ADAMTSL3: variants seen among roughly 807,000 people sequenced by gnomAD.
The protein encoded by ADAMTSL3 is ADAMTS like 3, also known as ADAMTS-like protein 3.
Under a neutral mutation model 201.7 loss-of-function variants are expected in ADAMTSL3, and 128 were observed. That is an observed-to-expected ratio of 0.63 (90% CI 0.55 to 0.73). The LOEUF is 0.73. Among genes scored for constraint, ADAMTSL3 ranks in the 30% least tolerant of loss-of-function variants. The probability of loss-of-function intolerance (pLI) is 0.00; values close to 1 mark genes in which losing one functional copy is unlikely to be tolerated. For synonymous variants in ADAMTSL3, 738 were observed against 748.4 expected (o/e 0.99, Z 0.23); for missense variants, 1,990 against 2,119.6 (o/e 0.94, Z 1.20).
intron 16 of ADAMTSL3, among the ~76,000 whole-genome samples, chr15:83,919,877 A>G (rs938717249): frequency 1.4e-4 from 21 of 152,134 alleles, no homozygotes; most frequent in Non-Finnish European, 2.4e-4. Context: ...AAGCAGGGAA[A>G]AGGCTAGTGA....
At chr15:84,033,899 T>C (rs1375212285) in intron 28 of ADAMTSL3, among the ~76,000 whole-genome samples, 1 of 152,156 alleles carries the variant, frequency 6.6e-6, no homozygotes, top group Admixed American at 6.5e-5. Flanking sequence ...TCTGATTAAA[T>C]TGGGTTTTAG....
chr15:84,019,892 CA>C lies in ADAMTSL3; in HGVS notation c.4274-1499del, dbSNP rs1219615275. 9.7e-3 allele frequency among the ~76,000 whole-genome samples: 633 copies of C among 65,190 alleles called. 3 individuals are homozygous for C. The highest frequency in any genetic ancestry group is 0.033 in the African/African-American group (506 of 15,132). 42.8% of individuals were successfully genotyped at this position (65,190 alleles called of 152,430 possible). A position where few individuals can be genotyped will look rare whatever the true frequency, so the allele number is the denominator to read the frequency against. ...TGGGTGACAGAGTGAGACTCTGTCT[CA>C]AAAAAAAAAAAAAAAAAAGAAACCA... On this transcript the variant is annotated intron_variant, in intron 25 of 29. Coordinates refer to ENST00000286744, the MANE Select transcript of ADAMTSL3 (RefSeq NM_207517.3).
At chr15:83,872,846 G>A (rs62025827) in intron 9 of ADAMTSL3, among the ~76,000 whole-genome samples, 36,425 of 144,062 alleles carry the variant, frequency 0.25, 8,330 homozygotes, top group Non-Finnish European at 0.32. Context: ...ACACACATAA[G>A]CTGCATATTT....
At chr15:83,989,454 T>C (rs1278424708) in intron 22 of ADAMTSL3, among the ~76,000 whole-genome samples, 2 of 152,218 alleles carry the variant, frequency 1.3e-5, no homozygotes, top group African/African-American at 4.8e-5. Context: ...ACTGGCAGTG[T>C]TGATATTAAT....
Position 83,797,761 on chromosome 15 carries a change from A to G in ADAMTSL3, c.318-6889A>G, listed in dbSNP as rs369681552. ...ACTGGTATGTCCATGTTAGAGAGCA[A>G]TTTGTCAATATCTGGTAATAGTGAT... On this transcript the variant is annotated intron_variant, in intron 4 of 29. Coordinates refer to ENST00000286744, the MANE Select transcript of ADAMTSL3 (RefSeq NM_207517.3). Among the ~76,000 whole-genome samples, 48 of 152,308 alleles carry G rather than the reference A, an allele frequency of 3.2e-4. 1 individual carries two copies. The South Asian group carries it at 7.2e-3, about 23-fold the overall frequency.
chr15:83,983,206 C>T lies in ADAMTSL3; in HGVS notation c.3578C>T (p.Thr1193Ile). The T allele has an allele frequency of 3.1e-6, 5 of 1,613,946 alleles. No individual in the cohort carries two copies. The highest frequency in any genetic ancestry group is 4.2e-6 in the Non-Finnish European group (5 of 1,179,940). ...CCTCCCTCAATTTCATTTAATAAAA[C>T]AATAAATTCCAGGATTGGAAATACA... is the stretch of plus-strand genomic sequence containing the variant. The part of the protein sequence containing the change: ...SQPPSISFNK[T>I]INSRIGNTVY... The change falls in exon 21 of 30, where the codon ACA becomes ATA. Residue 1193 changes from threonine to isoleucine, a missense_variant. Transcript: ENST00000286744.
chr15:83,687,459 C>T (rs1226944038), intron 2 of ADAMTSL3, among the ~76,000 whole-genome samples: 1 of 152,138 alleles, frequency 6.6e-6, no homozygotes, highest in East Asian at 1.9e-4. Context: ...CTACTGGCTA[C>T]TCTACTGAAC....
At chr15:84,036,747 C>A in intron 28 of ADAMTSL3, 26 bp from the exon 29 acceptor site, 1 of 1,572,942 alleles carries the variant, frequency 6.4e-7, no homozygotes. Context: ...TTTTGTTTTT[C>A]CGTTTTGTTT....
intron 28 of ADAMTSL3, among the ~76,000 whole-genome samples, chr15:84,034,391 T>C (rs1342680087): frequency 6.6e-6 from 1 of 152,130 alleles, no homozygotes; most frequent in African/African-American, 2.4e-5. Context: ...GGATCAGTGG[T>C]GGGCAGGCTG....
At chr15:83,767,548 A>C (rs2062913405) in intron 3 of ADAMTSL3, among the ~76,000 whole-genome samples, 1 of 152,222 alleles carries the variant, frequency 6.6e-6, no homozygotes. Context: ...ATCAGGCCAA[A>C]GAGCCAGCTG....
chr15:83,924,857 A>G (rs750877540), intron 17 of ADAMTSL3, among the ~76,000 whole-genome samples: 5 of 152,070 alleles, frequency 3.3e-5, no homozygotes, highest in Non-Finnish European at 7.4e-5. Flanking sequence ...TGTTAAGCCC[A>G]TTCCCAGTAA....
At chr15:83,866,418 AC>A (rs1216534866) in intron 8 of ADAMTSL3, among the ~76,000 whole-genome samples, 5 of 152,238 alleles carry the variant, frequency 3.3e-5, no homozygotes, top group Non-Finnish European at 7.3e-5. Flanking sequence ...ACCATGGAAT[AC>A]TATGCAGCCA....
intron 3 of ADAMTSL3, among the ~76,000 whole-genome samples, chr15:83,765,084 A>G (rs1034491293): frequency 1.1e-4 from 16 of 152,320 alleles, no homozygotes; most frequent in African/African-American, 3.6e-4. Flanking sequence ...GGACTGAAGA[A>G]GAGAGAAGTA....
Position 83,899,713 on chromosome 15 carries a change from T to C in ADAMTSL3, c.1682T>C (p.Ile561Thr). ...KQAQELEETR[I>T]ATEEPTFIPE... Reference sequence around the variant, plus strand: ...GCACAAGAACTAGAAGAGACCAGAATAGCAACAGAAGAACCAACGTGAGTC... The same window carrying C: ...GCACAAGAACTAGAAGAGACCAGAACAGCAACAGAAGAACCAACGTGAGTC... Residue 561 changes from isoleucine to threonine, a missense_variant, in exon 15 of 30, where the codon ATA becomes ACA. By Grantham distance (89) the Ile-to-Thr change is moderately conservative. Coordinates refer to ENST00000286744, the MANE Select transcript of ADAMTSL3 (RefSeq NM_207517.3). 1.2e-6 allele frequency: 2 copies of C among 1,611,666 alleles called. No individual in the cohort carries two copies. Among genetic ancestry groups the C allele is most frequent in the Non-Finnish European group, 1.7e-6 (2 of 1,178,462 alleles).
chr15:83,957,917 G>A (rs1336837130), intron 19 of ADAMTSL3, among the ~76,000 whole-genome samples: 1 of 152,106 alleles, frequency 6.6e-6, no homozygotes, highest in Admixed American at 6.5e-5. Flanking sequence ...TTATTTGAAG[G>A]CTTCTAGTGA....
intron 23 of ADAMTSL3, among the ~76,000 whole-genome samples, chr15:84,007,841 A>G (rs1470743899): frequency 6.6e-6 from 1 of 152,152 alleles, no homozygotes; most frequent in Non-Finnish European, 1.5e-5. Context: ...TAGGGAGATG[A>G]GATAAGTATT....
At chr15:83,768,829 G>C (rs921597995) in intron 3 of ADAMTSL3, among the ~76,000 whole-genome samples, 3 of 152,154 alleles carry the variant, frequency 2.0e-5, no homozygotes, top group Non-Finnish European at 4.4e-5. Flanking sequence ...AGAACTGGGT[G>C]GAAATCTGGG....
intron 3 of ADAMTSL3, among the ~76,000 whole-genome samples, chr15:83,716,757 G>C (rs1229626066): frequency 6.6e-6 from 1 of 151,920 alleles, no homozygotes; most frequent in Non-Finnish European, 1.5e-5. Flanking sequence ...CTTTGTTTTG[G>C]ACCCTGGCTG....
At chr15:83,978,547 G>A (rs1398709863) in intron 20 of ADAMTSL3, among the ~76,000 whole-genome samples, 1 of 152,158 alleles carries the variant, frequency 6.6e-6, no homozygotes, top group African/African-American at 2.4e-5. Flanking sequence ...AGATGAGAGA[G>A]GAAGGTCACC....
Sources: gnomAD v4.1 joint callset for allele counts (sites outside exome capture counted in the v4.1 genomes callset) on GRCh38, gnomAD v4.1.1 for gene constraint, MANE v1.5 for transcripts, NCBI Gene and HGNC (gene_info 2026-07-23, HGNC 2026-07-21) for gene names.